The following DGKB variants were observed in gnomAD, a reference collection of about 807,000 sequenced individuals.
DGKB encodes diacylglycerol kinase beta.
DGKB carries 67 observed loss-of-function variants against 114.3 expected under a neutral mutation model. That is an observed-to-expected ratio of 0.59 (90% CI 0.48 to 0.72). DGKB has a LOEUF of 0.72. DGKB is among the 30% of genes least tolerant of loss of function. The probability of loss-of-function intolerance (pLI) is 0.00; values close to 1 mark genes in which losing one functional copy is unlikely to be tolerated. For missense variants in DGKB, 907 were observed against 975.2 expected, an observed-to-expected ratio of 0.93 and a Z score of 0.93; for synonymous variants, 398 against 323.1, an observed-to-expected ratio of 1.23 and a Z score of -2.49.
chr7:14,832,673 T>G (rs1435186870), intron 2 of DGKB, among the ~76,000 whole-genome samples: 1 of 152,108 alleles, frequency 6.6e-6, no homozygotes, highest in Admixed American at 6.6e-5. Flanking sequence ...TTCTCTTCTT[T>G]CTTTCTGGTT....
At chr7:14,344,966 T>G (rs1248564114) in intron 22 of DGKB, among the ~76,000 whole-genome samples, 2 of 151,660 alleles carry the variant, frequency 1.3e-5, no homozygotes, top group Non-Finnish European at 3.0e-5. Context: ...AAAATAATAT[T>G]TTTTATGTAT....
In DGKB at chr7:14,840,699, A is replaced by AACACAC. The variant is rs57577998; in HGVS notation, c.70+489_70+494dup. Among the ~76,000 whole-genome samples the AACACAC allele has an allele frequency of 4.6e-4, 60 of 130,278 alleles. 1 individual carries two copies. Among genetic ancestry groups the AACACAC allele is most frequent in the Middle Eastern group, 4.0e-3 (1 of 250 alleles). 85.5% of individuals were successfully genotyped at this position (130,278 alleles called of 152,430 possible). A position where few individuals can be genotyped will look rare whatever the true frequency, so the allele number is the denominator to read the frequency against. On this transcript the variant is annotated intron_variant, in intron 2 of 25. Coordinates refer to ENST00000402815, the MANE Select transcript of DGKB (RefSeq NM_001350709.2). ...GACTCCCTGCTTCCTACTCTCTTTT[A>AACACAC]ACACACACACACACACACACACACA...
At chr7:14,805,213 A>C (rs1421338542) in intron 2 of DGKB, among the ~76,000 whole-genome samples, 2 of 152,008 alleles carry the variant, frequency 1.3e-5, no homozygotes, top group Non-Finnish European at 2.9e-5. Context: ...TCACTACACA[A>C]CTCCAATGGA....
At chr7:14,645,415 C>T (rs570215865) in intron 13 of DGKB, among the ~76,000 whole-genome samples, 28 of 152,020 alleles carry the variant, frequency 1.8e-4, no homozygotes, top group South Asian at 4.2e-4. Flanking sequence ...TGCCGCTCGC[C>T]GAACAACAGG....
At chr7:14,614,952 T>C (rs932654937) in intron 15 of DGKB, among the ~76,000 whole-genome samples, 1 of 152,060 alleles carries the variant, frequency 6.6e-6, no homozygotes, top group South Asian at 2.1e-4. Flanking sequence ...GTGTCTATTA[T>C]CTTTAAGCCA....
At chr7:14,687,797 T>C (rs936114661) in intron 9 of DGKB, among the ~76,000 whole-genome samples, 1 of 152,198 alleles carries the variant, frequency 6.6e-6, no homozygotes, top group Non-Finnish European at 1.5e-5. Flanking sequence ...ATAAGCTTCA[T>C]CCTTTGAAGA....
chr7:14,652,854 G>A (rs1273908130), intron 13 of DGKB, among the ~76,000 whole-genome samples: 1 of 152,124 alleles, frequency 6.6e-6, no homozygotes, highest in Non-Finnish European at 1.5e-5. Flanking sequence ...TATATGAACA[G>A]ACACTTCTCA....
At chr7:14,432,421 C>T (rs1828592658) in intron 21 of DGKB, among the ~76,000 whole-genome samples, 1 of 152,134 alleles carries the variant, frequency 6.6e-6, no homozygotes, top group Admixed American at 6.6e-5. Context: ...AGCACTTTTC[C>T]ACATGTCTTT....
intron 20 of DGKB, among the ~76,000 whole-genome samples, chr7:14,490,972 A>G (rs1784514659): frequency 6.6e-6 from 1 of 151,840 alleles, no homozygotes; most frequent in Admixed American, 6.6e-5. Flanking sequence ...TAATGCAGAA[A>G]CAGGAGAGAT....
At chr7:14,629,279 A>G (rs536748116) in intron 14 of DGKB, among the ~76,000 whole-genome samples, 17 of 152,232 alleles carry the variant, frequency 1.1e-4, no homozygotes, top group Admixed American at 1.3e-4. Context: ...TAAAGAATAT[A>G]AAATCAGTTT....
chr7:14,396,729 C>T (rs942618400), intron 21 of DGKB, among the ~76,000 whole-genome samples: 1 of 152,100 alleles, frequency 6.6e-6, no homozygotes, highest in East Asian at 1.9e-4. Context: ...ACATTTCACA[C>T]CAGGGTGACA....
At chr7:14,380,840 C>T (rs187894349) in intron 21 of DGKB, among the ~76,000 whole-genome samples, 7 of 152,102 alleles carry the variant, frequency 4.6e-5, no homozygotes, top group Admixed American at 6.5e-5. Context: ...ACAGACATTG[C>T]GTTAGGCAGA....
chr7:14,591,128 AC>A (rs1369348090), intron 17 of DGKB, among the ~76,000 whole-genome samples: 1 of 152,084 alleles, frequency 6.6e-6, no homozygotes, highest in East Asian at 1.9e-4. Context: ...CTGACTTTTC[AC>A]CCAGGAAGGC....
intron 21 of DGKB, among the ~76,000 whole-genome samples, chr7:14,431,075 G>A (rs1255818440): frequency 6.6e-6 from 1 of 152,062 alleles, no homozygotes; most frequent in Non-Finnish European, 1.5e-5. Flanking sequence ...GCTCTCCTGA[G>A]TCTCTGACCT....
At chr7:14,462,771 G>C (rs1028990162) in intron 21 of DGKB, among the ~76,000 whole-genome samples, 1 of 152,076 alleles carries the variant, frequency 6.6e-6, no homozygotes, top group African/African-American at 2.4e-5. Flanking sequence ...CAAAAAGGAG[G>C]CTGTATAGCC....
intron 5 of DGKB, among the ~76,000 whole-genome samples, chr7:14,723,076 T>C (rs1298060090): frequency 6.7e-6 from 1 of 148,248 alleles, no homozygotes; most frequent in African/African-American, 2.4e-5. Context: ...TCACTACTTA[T>C]CTTCCTCGAT....
chr7:14,730,749 G>T (rs553469230), intron 5 of DGKB, among the ~76,000 whole-genome samples: 1 of 152,106 alleles, frequency 6.6e-6, no homozygotes, highest in African/African-American at 2.4e-5. Context: ...TCAAAAGGTG[G>T]GGATGACTGC....
chr7:14,327,493 C>T (rs1395211751), intron 23 of DGKB, among the ~76,000 whole-genome samples: 3 of 151,916 alleles, frequency 2.0e-5, no homozygotes, highest in Non-Finnish European at 4.4e-5. Context: ...CTCAAAATAG[C>T]ACTGTTAATA....
At position 14,145,190 on chromosome 7, in the gene DGKB, A is replaced by G. The variant is rs1342881046; in HGVS notation, c.*3941T>C. The stretch of plus-strand genomic sequence containing the variant: ...ATCTCTCAAATGTGAGTTTACTCAA[A>G]CTTTATTTAAATATAGCAGAATTTA... On this transcript the variant is annotated 3_prime_UTR_variant, in exon 26 of 26. Coordinates refer to ENST00000402815, the MANE Select transcript of DGKB (RefSeq NM_001350709.2). The G allele has an allele frequency of 6.6e-6, 1 of 152,202 alleles. No individual in the cohort carries two copies. Among genetic ancestry groups the G allele is most frequent in the Non-Finnish European group, 1.5e-5 (1 of 68,036 alleles). The allele number at this position is 152,202 out of a possible 1,614,324, so 9.4% of individuals were successfully genotyped here.
Sources: allele counts gnomAD v4.1 joint callset (sites outside exome capture counted in the v4.1 genomes callset), GRCh38; gene constraint gnomAD v4.1.1; transcripts MANE v1.5; gene names NCBI Gene and HGNC (gene_info 2026-07-23, HGNC 2026-07-21).